MAP3K20: variants seen among roughly 807,000 people sequenced by gnomAD.
The protein encoded by MAP3K20 is mitogen-activated protein kinase kinase kinase 20.
In MAP3K20, 40 loss-of-function variants were observed where a neutral mutation model predicts 85.7. The ratio of observed to expected loss-of-function variants is 0.47; its 90% CI spans 0.36 to 0.61. The LOEUF is 0.61. MAP3K20 is among the 20% of genes least tolerant of loss of function. MAP3K20 has a pLI of 0.00. For missense variants in MAP3K20, 817 were observed against 961.7 expected (o/e 0.85, Z 1.99); for synonymous variants, 325 against 327.7 (o/e 0.99, Z 0.09).
chr2:173,132,756 C>T (rs917095370), intron 2 of MAP3K20, among the ~76,000 whole-genome samples: 1 of 152,188 alleles, frequency 6.6e-6, no homozygotes, highest in East Asian at 1.9e-4. Context: ...CACTTGTTAG[C>T]TTTGTGACCC....
At chr2:173,158,797 G>A (rs1202531586) in intron 2 of MAP3K20, among the ~76,000 whole-genome samples, 1 of 152,224 alleles carries the variant, frequency 6.6e-6, no homozygotes, top group Non-Finnish European at 1.5e-5. Flanking sequence ...AGAAAACTGA[G>A]TCTCAGGTTA....
Position 173,224,821 on chromosome 2 carries a change from C to T in MAP3K20, c.988-4868C>T, listed in dbSNP as rs1344855937. On this transcript the variant is annotated intron_variant, in intron 11 of 19. Coordinates refer to ENST00000375213, the MANE Select transcript of MAP3K20 (RefSeq NM_016653.3). ...AAGATCATTTGGAAGACTTTAGACTCTATTAATTTTAAAAGGAATATTTAT... is the reference window on the plus strand; with the variant it reads ...AAGATCATTTGGAAGACTTTAGACTTTATTAATTTTAAAAGGAATATTTAT... 6.1e-6 allele frequency: 6 copies of T among 984,594 alleles called. No individual in the cohort carries two copies. In the South Asian group the frequency reaches 1.4e-4, roughly 23 times the overall value. The allele number at this position is 984,594 out of a possible 1,614,324, so 61.0% of individuals were successfully genotyped here. A position where few individuals can be genotyped will look rare whatever the true frequency, so the allele number is the denominator to read the frequency against.
chr2:173,172,282 C>T (rs574810404), intron 3 of MAP3K20, among the ~76,000 whole-genome samples: 1 of 151,886 alleles, frequency 6.6e-6, no homozygotes, highest in East Asian at 1.9e-4. Context: ...ATAGTGGAGG[C>T]TCTGAAGGAG....
intron 14 of MAP3K20, among the ~76,000 whole-genome samples, chr2:173,236,818 GAT>G (rs1684663595): frequency 6.6e-6 from 1 of 152,138 alleles, no homozygotes; most frequent in African/African-American, 2.4e-5. Flanking sequence ...GGCCTTTGGG[GAT>G]GAGTAGCTCC....
chr2:173,100,308 A>G (rs1216002513), intron 2 of MAP3K20, among the ~76,000 whole-genome samples: 1 of 152,196 alleles, frequency 6.6e-6, no homozygotes, highest in East Asian at 1.9e-4. Flanking sequence ...CAGTCACTTT[A>G]TAAGATTATA....
intron 2 of MAP3K20, among the ~76,000 whole-genome samples, chr2:173,130,394 TTTA>T (rs1688577337): frequency 2.6e-5 from 4 of 152,170 alleles, no homozygotes. Context: ...TCCATTAATG[TTTA>T]TTATTCTCAA....
intron 14 of MAP3K20, among the ~76,000 whole-genome samples, chr2:173,233,087 T>C (rs565384327): frequency 6.6e-6 from 1 of 152,264 alleles, no homozygotes; most frequent in Admixed American, 6.5e-5. Flanking sequence ...TATGCGATAA[T>C]GGTAAATGAC....
intron 14 of MAP3K20, among the ~76,000 whole-genome samples, chr2:173,235,433 A>G (rs982260880): frequency 2.6e-5 from 4 of 152,194 alleles, no homozygotes; most frequent in Non-Finnish European, 4.4e-5. Context: ...CTCCACACTG[A>G]TATGTGTGGC....
intron 2 of MAP3K20, among the ~76,000 whole-genome samples, chr2:173,157,881 A>G (rs74506576): frequency 0.016 from 2,418 of 152,284 alleles, 39 homozygotes; most frequent in South Asian, 0.03. Context: ...CCTAAGAGGA[A>G]GCTGATGAGT....
chr2:173,203,473 T>C (rs1160406152), intron 8 of MAP3K20, among the ~76,000 whole-genome samples: 1 of 152,154 alleles, frequency 6.6e-6, no homozygotes, highest in African/African-American at 2.4e-5. Context: ...CAGTGACATA[T>C]GGTTTTATAT....
At position 173,197,283 on chromosome 2, in the gene MAP3K20, T is replaced by C. The variant is rs185780972; in HGVS notation, c.583-743T>C. The stretch of plus-strand genomic sequence containing the variant: ...ATTCCTAGCATCAATTTGCTTTCTT[T>C]GGGCATTCCACTCAGATTTAATAAT... On this transcript the variant is annotated intron_variant, in intron 7 of 19. Coordinates refer to ENST00000375213, the MANE Select transcript of MAP3K20 (RefSeq NM_016653.3). Among the ~76,000 whole-genome samples the C allele has an allele frequency of 2.0e-5, 3 of 152,320 alleles. No individual in the cohort carries two copies. The East Asian group carries it at 5.8e-4, about 29-fold the overall frequency.
intron 1 of MAP3K20, among the ~76,000 whole-genome samples, chr2:173,082,023 G>GTT (rs11405965): frequency 1.0e-4 from 15 of 148,200 alleles, no homozygotes; most frequent in East Asian, 9.9e-4. Context: ...GGAATCCTTT[G>GTT]TTTTTTTTTT....
rs914397506 is a variant in MAP3K20 at position 173,111,934 on chromosome 2, T to C, written c.159+20744T>C. On this transcript the variant is annotated intron_variant, in intron 2 of 19. Transcript: ENST00000375213. ...TTCATGTGAATTTTAGAATTGTTTT[T>C]TCTAATTCTGTGAAGAATGATGGTT... Among the ~76,000 whole-genome samples, 22 of 152,310 alleles carry C rather than the reference T, an allele frequency of 1.4e-4. No individual in the cohort carries two copies. In the East Asian group the frequency reaches 3.1e-3, roughly 21 times the overall value.
intron 11 of MAP3K20, chr2:173,221,758 T>C: frequency 8.1e-7 from 1 of 1,229,640 alleles, no homozygotes; most frequent in East Asian, 3.2e-5. Context: ...TCAGCAAATG[T>C]GGTGCCTGAT....
At chr2:173,261,841 A>AC (rs1471491596) in intron 18 of MAP3K20, among the ~76,000 whole-genome samples, 4 of 151,856 alleles carry the variant, frequency 2.6e-5, no homozygotes. Context: ...GCATTATGAA[A>AC]CCCTATCTCT....
At chr2:173,099,715 T>C (rs1559230490) in intron 2 of MAP3K20, among the ~76,000 whole-genome samples, 2 of 152,208 alleles carry the variant, frequency 1.3e-5, no homozygotes, top group South Asian at 4.1e-4. Context: ...CTCTTCTGAA[T>C]TTATACCACA....
At chr2:173,200,547 T>C (rs966564942) in intron 8 of MAP3K20, among the ~76,000 whole-genome samples, 2 of 152,244 alleles carry the variant, frequency 1.3e-5, no homozygotes, top group Non-Finnish European at 2.9e-5. Context: ...ATCTATAATA[T>C]CTATATCCAA....
intron 3 of MAP3K20, among the ~76,000 whole-genome samples, chr2:173,175,334 A>C (rs1363842656): frequency 1.3e-5 from 2 of 152,292 alleles, no homozygotes; most frequent in Admixed American, 6.5e-5. Context: ...TAATATCCAC[A>C]TGACTGTTCC....
Position 173,238,780 on chromosome 2 carries a change from G to A in MAP3K20, c.1266+345G>A, listed in dbSNP as rs534842567. Among the ~76,000 whole-genome samples, 9 of 152,214 alleles carry A rather than the reference G, an allele frequency of 5.9e-5. No homozygotes were observed. The South Asian group carries it at 1.0e-3, about 18-fold the overall frequency. On this transcript the variant is annotated intron_variant, in intron 15 of 19. Coordinates refer to ENST00000375213, the MANE Select transcript of MAP3K20 (RefSeq NM_016653.3). ...ACTGAGAGAATTCATACCCTGGAGC[G>A]CTCGATCGTCAACTTTCATAGGGGA... is the stretch of plus-strand genomic sequence containing the variant.
Sources: gnomAD v4.1 joint callset for allele counts (sites outside exome capture counted in the v4.1 genomes callset) on GRCh38, gnomAD v4.1.1 for gene constraint, MANE v1.5 for transcripts, NCBI Gene and HGNC (gene_info 2026-07-23, HGNC 2026-07-21) for gene names.